The following HJURP variants were observed in gnomAD, a reference collection of about 807,000 sequenced individuals.
HJURP encodes Holliday junction recognition protein, also known as 14-3-3-associated AKT substrate.
In HJURP, 49 loss-of-function variants were observed where a neutral mutation model predicts 72.0. The ratio of observed to expected loss-of-function variants is 0.68; its 90% CI spans 0.54 to 0.86. HJURP has a LOEUF of 0.86. HJURP is among the 40% of genes least tolerant of loss of function. The pLI, the probability that HJURP is intolerant of heterozygous loss-of-function variation, is 0.00. For synonymous variants in HJURP, 357 were observed against 347.1 expected, an observed-to-expected ratio of 1.03 and a Z score of -0.32; for missense variants, 908 against 936.3, an observed-to-expected ratio of 0.97 and a Z score of 0.39.
Position 233,840,847 on chromosome 2 carries a change from C to G in HJURP, c.1933G>C (p.Gly645Arg), listed in dbSNP as rs189191208. ...GFQKLPSSPL[G>R]CRKSLLGSTA... Reference sequence around the variant, plus strand: ...GAGCCCAGTAGACTTTTTCTGCACCCCAGGGGTGATGATGGCAACTTCTGG... The same window carrying G: ...GAGCCCAGTAGACTTTTTCTGCACCGCAGGGGTGATGATGGCAACTTCTGG... Residue 645 changes from glycine to arginine, a missense_variant, in exon 8 of 9, where the codon GGG (glycine) becomes CGG (arginine). By Grantham distance (125) the Gly-to-Arg change is moderately radical. This residue lies in a region of HJURP where 598 missense variants were observed against 619.5 expected (regional missense o/e 0.97). Transcript: ENST00000411486. 4.5e-5 allele frequency: 73 copies of G among 1,614,094 alleles called. 1 individual carries two copies. The Admixed American group carries it at 1.2e-3, about 27-fold the overall frequency.
rs745980197 is a variant in HJURP, at chr2:233,841,498, C to T, written c.1282G>A (p.Glu428Lys). 5.6e-6 allele frequency: 9 copies of T among 1,614,204 alleles called. No individual in the cohort carries two copies. The highest frequency in any genetic ancestry group is 1.7e-5 in the Admixed American group (1 of 60,018). Residue 428 changes from glutamate (E) to lysine (K), a missense_variant, in exon 8 of 9, where the codon GAG (glutamate) becomes AAG (lysine). This residue lies in a region of HJURP where 598 missense variants were observed against 619.5 expected (regional missense o/e 0.97). Coordinates refer to ENST00000411486, the MANE Select transcript of HJURP (RefSeq NM_018410.5). ...SRPTIRQGHG[E>K]NRQREIEIRF... is the part of the protein sequence containing the mutation. ...ATTTCAATCTCCCTCTGACGGTTCTCTCCATGGCCCTGTCGTATTGTTGGT... is the reference window on the plus strand; with the variant it reads ...ATTTCAATCTCCCTCTGACGGTTCTTTCCATGGCCCTGTCGTATTGTTGGT...
At chr2:233,845,923 C>G in intron 5 of HJURP, 103 bp from the exon 6 acceptor site, 2 of 727,492 alleles carry the variant, frequency 2.7e-6, no homozygotes, top group Non-Finnish European at 2.4e-6. Flanking sequence ...CAAATCTTTA[C>G]ATGATCCTAC....
In HJURP at chr2:233,840,662, G is replaced by A. The variant is rs2124960403; in HGVS notation, c.2118C>T (p.Asn706=). ...TGCCCTGGTCTCCCGGTCTGACGGT[G>A]TTGTCCACCCCATCTGAGGCACCCA... ...NSLGASDGVD[N]TVRPGDQGSS... is the part of the protein sequence containing the mutation. The change falls in exon 8 of 9, where the codon AAC becomes AAT. Residue 706 remains asparagine, a synonymous_variant. Transcript: ENST00000411486. The A allele has an allele frequency of 6.2e-7, 1 of 1,612,956 alleles. No individual in the cohort carries two copies. The highest frequency in any genetic ancestry group is 8.5e-7 in the Non-Finnish European group (1 of 1,179,736).
Position 233,840,391 on chromosome 2 carries a change from TTTA to T in HJURP, c.2171+215_2171+217del, listed in dbSNP as rs1490505581. Among the ~76,000 whole-genome samples, 7 of 152,362 alleles carry T rather than the reference TTTA, an allele frequency of 4.6e-5. No individual in the cohort carries two copies. In the East Asian group the frequency reaches 1.3e-3, roughly 29 times the overall value. The stretch of plus-strand genomic sequence containing the variant: ...AAACTTCTGCAAGAGCACTTTCTGC[TTTA>T]CCTCGATGCATCTTACACAGGGACA... On this transcript the variant is annotated intron_variant, in intron 8 of 8. Transcript: ENST00000411486.
chr2:233,838,533 G>A (rs185870355), intron 8 of HJURP, among the ~76,000 whole-genome samples: 49 of 152,250 alleles, frequency 3.2e-4, no homozygotes, highest in Middle Eastern at 3.4e-3. Context: ...GAAAAGGCAC[G>A]AGACAAAATC....
chr2:233,847,354 CA>C, intron 5 of HJURP, 42 bp downstream of exon 5: 1 of 1,505,396 alleles, frequency 6.6e-7, no homozygotes, highest in African/African-American at 1.4e-5. Flanking sequence ...CCTGAGCCCC[CA>C]AGCGCCCCCT....
rs752786821 is a variant in HJURP, at chr2:233,841,877, A to T, written c.903T>A (p.Tyr301Ter). The change falls in exon 8 of 9, where the codon TAT (tyrosine) becomes TAA (stop). Residue 301 changes from tyrosine (Y) to a stop codon, truncating the protein, a stop_gained. Transcript: ENST00000411486. LOFTEE classifies it high-confidence loss of function. Reference protein sequence around the residue: ...QNWNSRRRHRYKSRMNKTYCK... With the variant: ...QNWNSRRRHR Reference sequence around the variant, plus strand: ...AATATGTTTTGTTCATCCTGCTCTTATATCTGTGCCTCCTCCTGGAGTTCC... The same window carrying T: ...AATATGTTTTGTTCATCCTGCTCTTTTATCTGTGCCTCCTCCTGGAGTTCC... 11 of 1,614,160 alleles carry T rather than the reference A, an allele frequency of 6.8e-6. No individual in the cohort carries two copies. The highest frequency in any genetic ancestry group is 9.3e-6 in the Non-Finnish European group (11 of 1,180,024).
rs1268378956 is a variant in HJURP, at chr2:233,837,584, C to A, written c.2240G>T (p.Ser747Ile). ...DFMLEKLETK[S>I]V ...CACTCCGAAATAACCTAGCTACACACTTTTAGTTTCCAATTTTTCTAGCAT... is the reference window on the plus strand; with the variant it reads ...CACTCCGAAATAACCTAGCTACACAATTTTAGTTTCCAATTTTTCTAGCAT... The change falls in exon 9 of 9, where the codon AGT (serine) becomes ATT (isoleucine). Residue 747 changes from serine to isoleucine, a missense_variant. Around this residue, in one of 3 missense-constraint regions of HJURP, gnomAD observed 598 missense variants for 619.5 expected, o/e 0.97. Transcript: ENST00000411486. 6.2e-7 allele frequency: 1 copy of A among 1,604,710 alleles called. No homozygotes were observed. Among genetic ancestry groups the A allele is most frequent in the South Asian group, 1.1e-5 (1 of 90,824 alleles).
intron 6 of HJURP, 71 bp from the exon 7 acceptor site, chr2:233,844,354 C>T: frequency 8.7e-7 from 1 of 1,152,022 alleles, no homozygotes; most frequent in Non-Finnish European, 1.3e-6. Context: ...GCTGGGTTCT[C>T]CCCTGACGAT....
chr2:233,848,974 G>A (rs1468843480), intron 4 of HJURP, among the ~76,000 whole-genome samples: 1 of 152,226 alleles, frequency 6.6e-6, no homozygotes, highest in Non-Finnish European at 1.5e-5. Flanking sequence ...ACTTCTGGAA[G>A]GTTTAAATGC....
At position 233,845,617 on chromosome 2, in the gene HJURP, A is replaced by C. The variant is rs563799537; in HGVS notation, c.495+111T>G. ...AACAATTTGGAAATCATTACTTCAA[A>C]TGCTCTTTATGGGTTCTGTAGAAAA... On this transcript the variant is annotated intron_variant, in intron 6 of 8. Transcript: ENST00000411486. 3.5e-5 allele frequency: 23 copies of C among 663,072 alleles called. No individual in the cohort carries two copies. In the East Asian group the frequency reaches 6.0e-4, roughly 17 times the overall value. The allele number at this position is 663,072 out of a possible 1,614,324, so 41.1% of individuals were successfully genotyped here.
rs745752966 is a variant in HJURP, at chr2:233,854,458, C to T, written c.43G>A (p.Asp15Asn). 5 of 1,612,644 alleles carry T rather than the reference C, an allele frequency of 3.1e-6. No individual in the cohort carries two copies. Among genetic ancestry groups the T allele is most frequent in the East Asian group, 4.5e-5 (2 of 44,754 alleles). ...CTGAGCTTCTGCAGCAGCTGGTCGT[C>T]TTCCACGTCCTCGCCCTCCATGGCG... ...LRAMEGEDVEDDQLLQKLRAS... is the reference protein window; with the variant it reads ...LRAMEGEDVENDQLLQKLRAS... Residue 15 changes from aspartate (D) to asparagine (N), a missense_variant, in exon 1 of 9, where the codon GAC becomes AAC. Asp to Asn is a conservative substitution (Grantham distance 23). This residue lies in a region of HJURP where 299 missense variants were observed against 286.7 expected (regional missense o/e 1.04). Coordinates refer to ENST00000411486, the MANE Select transcript of HJURP (RefSeq NM_018410.5).
chr2:233,854,214 C>G (rs1382540988), intron 1 of HJURP, among the ~76,000 whole-genome samples, 170 bp downstream of exon 1: 1 of 151,952 alleles, frequency 6.6e-6, no homozygotes, highest in East Asian at 1.9e-4. Flanking sequence ...TTTTCCCTCT[C>G]CGGAGCCCCC....
rs1553643892 is a variant in HJURP at position 233,837,319 on chromosome 2, A to AACAAC, written c.*257_*258insGTTGT. 1 of 275,476 alleles carries AACAAC rather than the reference A, an allele frequency of 3.6e-6. No individual in the cohort carries two copies. Among genetic ancestry groups the AACAAC allele is most frequent in the African/African-American group, 2.7e-5 (1 of 36,520 alleles). The allele number at this position is 275,476 out of a possible 1,614,324, so 17.1% of individuals were successfully genotyped here. A position where few individuals can be genotyped will look rare whatever the true frequency, so the allele number is the denominator to read the frequency against. ...AAACAAACAAACAAACAAACAAATA[A>AACAAC]CCCCCCCCCAAAAAAAACACACACA... is the stretch of plus-strand genomic sequence containing the variant. On this transcript the variant is annotated 3_prime_UTR_variant, in exon 9 of 9. Coordinates refer to ENST00000411486, the MANE Select transcript of HJURP (RefSeq NM_018410.5).
chr2:233,849,047 G>A (rs1705436066), intron 4 of HJURP, among the ~76,000 whole-genome samples: 1 of 152,252 alleles, frequency 6.6e-6, no homozygotes, highest in Non-Finnish European at 1.5e-5. Context: ...TAGCAATGGG[G>A]TTGTGAGAAA....
chr2:233,849,816 T>G lies in HJURP; in HGVS notation c.284A>C (p.Gln95Pro). 1.9e-6 allele frequency: 3 copies of G among 1,554,638 alleles called. No homozygotes were observed. The South Asian group carries it at 3.6e-5, about 18-fold the overall frequency. ...KPADRTDGSVQAAAWGPELPS... is the reference protein window; with the variant it reads ...KPADRTDGSVPAAAWGPELPS... ...AAGCTCAGGACCCCAGGCTGCAGCT[T>G]GCACGGAGCCATCTGTCCTGTCCGC... The change falls in exon 4 of 9, where the codon CAA (glutamine) becomes CCA (proline). Residue 95 changes from glutamine (Q) to proline (P), a missense_variant. Around this residue, in one of 3 missense-constraint regions of HJURP, gnomAD observed 299 missense variants for 286.7 expected, o/e 1.04. Coordinates refer to ENST00000411486, the MANE Select transcript of HJURP (RefSeq NM_018410.5).
intron 3 of HJURP, among the ~76,000 whole-genome samples, chr2:233,850,304 G>A (rs1485025564): frequency 6.6e-6 from 1 of 152,228 alleles, no homozygotes; most frequent in African/African-American, 2.4e-5. Flanking sequence ...ATTTAAGGCG[G>A]GGAGGAGCCA....
chr2:233,852,457 C>T (rs543019878), intron 3 of HJURP, 108 bp downstream of exon 3: 16 of 730,590 alleles, frequency 2.2e-5, no homozygotes, highest in South Asian at 2.1e-4. Context: ...AAAAGTGCCC[C>T]GTGGTGGCCT....
intron 8 of HJURP, among the ~76,000 whole-genome samples, chr2:233,838,331 A>G (rs1052013711): frequency 6.6e-6 from 1 of 152,212 alleles, no homozygotes; most frequent in Non-Finnish European, 1.5e-5. Flanking sequence ...ATGGTCCCAC[A>G]ATAATGCAAC....
Sources: gnomAD v4.1 joint callset for allele counts (sites outside exome capture counted in the v4.1 genomes callset) on GRCh38, gnomAD v4.1.1 for gene constraint, gnomAD v4.1.1 regional missense constraint, MANE v1.5 for transcripts, NCBI Gene and HGNC (gene_info 2026-07-23, HGNC 2026-07-21) for gene names.